EPB41L4A: variants seen among roughly 807,000 people sequenced by gnomAD.
EPB41L4A encodes the protein erythrocyte membrane protein band 4.1 like 4A, also known as band 4.1-like protein 4A.
A neutral mutation model predicts 108.6 loss-of-function variants in EPB41L4A; 100 were observed. The ratio of observed to expected loss-of-function variants is 0.92; its 90% confidence interval spans 0.78 to 1.09. EPB41L4A has a LOEUF of 1.09. EPB41L4A is among the 50% of genes least tolerant of loss of function. The pLI, the probability that EPB41L4A is intolerant of heterozygous loss-of-function variation, is 0.00. For missense variants in EPB41L4A, 1,030 were observed against 842.7 expected (o/e 1.22, Z -2.75); for synonymous variants, 319 against 289.0 (o/e 1.10, Z -1.05).
chr5:112,413,183 T>C (rs1299148498), intron 1 of EPB41L4A, among the ~76,000 whole-genome samples: 1 of 152,244 alleles, frequency 6.6e-6, no homozygotes, highest in Admixed American at 6.5e-5. Context: ...GCATTAAATT[T>C]AGAAGAGAAA....
chr5:112,175,742 G>GTA (rs1474720371), intron 18 of EPB41L4A, among the ~76,000 whole-genome samples: 7 of 151,360 alleles, frequency 4.6e-5, no homozygotes, highest in Non-Finnish European at 1.0e-4. Flanking sequence ...GTGTGTATAT[G>GTA]TATATATATA....
chr5:112,262,097 G>A (rs1196087104), intron 7 of EPB41L4A, among the ~76,000 whole-genome samples: 1 of 151,928 alleles, frequency 6.6e-6, no homozygotes, highest in African/African-American at 2.4e-5. Flanking sequence ...TCGCCATGTT[G>A]GCCAGGCTGG....
At chr5:112,308,438 T>C (rs938040369) in intron 1 of EPB41L4A, among the ~76,000 whole-genome samples, 2 of 152,194 alleles carry the variant, frequency 1.3e-5, no homozygotes, top group Non-Finnish European at 1.5e-5. Context: ...AATGTTTTTA[T>C]TAAATGTATT....
Position 112,280,595 on chromosome 5 carries a change from C to A in EPB41L4A, c.205-272G>T, listed in dbSNP as rs184983484. 1.7e-3 allele frequency among the ~76,000 whole-genome samples: 253 copies of A among 152,124 alleles called. 1 individual carries two copies. The Middle Eastern group carries it at 0.02, about 12-fold the overall frequency. On this transcript the variant is annotated intron_variant, in intron 2 of 22. Coordinates refer to ENST00000261486, the MANE Select transcript of EPB41L4A (RefSeq NM_022140.5). ...GCTTGAGGCCAGAAGTTTAAGACCA[C>A]CCTGGCCAATATGGCATGACCCCAT...
intron 4 of EPB41L4A, among the ~76,000 whole-genome samples, chr5:112,271,030 G>C (rs142794964): frequency 1.8e-3 from 270 of 152,296 alleles, no homozygotes; most frequent in South Asian, 4.2e-3. Context: ...ACAACTGACA[G>C]ATTCTCTCTT....
At chr5:112,161,471 C>T (rs776003873), downstream of EPB41L4A, 2 of 517,758 alleles carry the variant, frequency 3.9e-6, no homozygotes, top group Non-Finnish European at 7.7e-6. Flanking sequence ...ATAAAGCCTA[C>T]CTCACGCAGT....
At chr5:112,204,189 A>C (rs1280948987) in intron 15 of EPB41L4A, among the ~76,000 whole-genome samples, 186 bp downstream of exon 15, 1 of 152,090 alleles carries the variant, frequency 6.6e-6, no homozygotes, top group Non-Finnish European at 1.5e-5. Flanking sequence ...ATTATTCTCT[A>C]AAACTCTGGC....
chr5:112,353,023 T>G (rs1427049223), intron 1 of EPB41L4A, among the ~76,000 whole-genome samples: 5 of 152,216 alleles, frequency 3.3e-5, no homozygotes, highest in Non-Finnish European at 7.3e-5. Context: ...AGGTAAGGTA[T>G]TATACTTTGG....
chr5:112,252,984 A>T (rs1284323766), intron 9 of EPB41L4A, among the ~76,000 whole-genome samples: 1 of 152,184 alleles, frequency 6.6e-6, no homozygotes. Flanking sequence ...TGACTCATAA[A>T]TGTGGAGGGA....
intron 1 of EPB41L4A, among the ~76,000 whole-genome samples, chr5:112,340,005 G>T (rs566887804): frequency 6.6e-6 from 1 of 152,138 alleles, no homozygotes; most frequent in Non-Finnish European, 1.5e-5. Flanking sequence ...GTTAATAAGA[G>T]AAAGTTGGAA....
chr5:112,306,057 T>C (rs962642979), intron 2 of EPB41L4A, among the ~76,000 whole-genome samples: 3 of 152,178 alleles, frequency 2.0e-5, no homozygotes, highest in African/African-American at 7.2e-5. Context: ...AGGGGGAAGA[T>C]AGAGACCGAC....
At chr5:112,419,725 G>A (rs954814627), upstream of EPB41L4A, 2 of 456,724 alleles carry the variant, frequency 4.4e-6, no homozygotes, top group Non-Finnish European at 8.8e-6. Context: ...CCGAGGAGCC[G>A]GAAGAGAGGC....
At chr5:112,234,580 C>T in intron 12 of EPB41L4A, 54 bp downstream of exon 12, 1 of 1,580,092 alleles carries the variant, frequency 6.3e-7, no homozygotes, top group South Asian at 1.2e-5. Context: ...TCTTACACTA[C>T]CAGCCTAAAG....
Position 112,164,678 on chromosome 5 carries a change from A to T in EPB41L4A, c.*312T>A. The stretch of plus-strand genomic sequence containing the variant: ...AAAGCCCTGTCTCTACTAAAAATAC[A>T]AAAAGAATTAGCCGGGTGTTGTGGT... On this transcript the variant is annotated 3_prime_UTR_variant, in exon 23 of 23. Transcript: ENST00000261486. 1 of 171,304 alleles carries T rather than the reference A, an allele frequency of 5.8e-6. No homozygotes were observed. The highest frequency in any genetic ancestry group is 1.2e-5 in the Non-Finnish European group (1 of 80,902). 10.6% of individuals were successfully genotyped at this position (171,304 alleles called of 1,614,324 possible). A position where few individuals can be genotyped will look rare whatever the true frequency, so the allele number is the denominator to read the frequency against.
intron 20 of EPB41L4A, 128 bp from the exon 21 acceptor site, chr5:112,169,233 G>A (rs565796850): frequency 2.1e-5 from 14 of 675,742 alleles, no homozygotes; most frequent in African/African-American, 2.0e-4. Context: ...TGACTCCTAG[G>A]GTTTGAAAGC....
At chr5:112,256,594 GA>G (rs1253085093) in intron 9 of EPB41L4A, among the ~76,000 whole-genome samples, 2 of 151,744 alleles carry the variant, frequency 1.3e-5, no homozygotes. Context: ...ACAATAGCAA[GA>G]AAAAAAGTAA....
intron 1 of EPB41L4A, among the ~76,000 whole-genome samples, chr5:112,404,001 A>G (rs935698591): frequency 6.6e-6 from 1 of 152,260 alleles, no homozygotes; most frequent in African/African-American, 2.4e-5. Context: ...GTTGTTTTCA[A>G]AGTAAGCTCT....
intron 18 of EPB41L4A, among the ~76,000 whole-genome samples, chr5:112,175,976 A>G (rs1438461270): frequency 6.6e-6 from 1 of 152,118 alleles, no homozygotes; most frequent in African/African-American, 2.4e-5. Flanking sequence ...CTAAATCCTC[A>G]CACAACCAAA....
At chr5:112,257,494 G>A (rs1243426426) in intron 9 of EPB41L4A, among the ~76,000 whole-genome samples, 1 of 152,116 alleles carries the variant, frequency 6.6e-6, no homozygotes, top group Non-Finnish European at 1.5e-5. Flanking sequence ...GTCATTCGAT[G>A]GAGACTGTCA....
Sources: gnomAD v4.1 joint callset for allele counts (sites outside exome capture counted in the v4.1 genomes callset) on GRCh38, gnomAD v4.1.1 for gene constraint, MANE v1.5 for transcripts, NCBI Gene and HGNC (gene_info 2026-07-23, HGNC 2026-07-21) for gene names.